Variants in NUP98 observed in about 807,000 individuals in gnomAD.
The protein encoded by NUP98 is nuclear pore complex protein Nup98-Nup96.
Under a neutral mutation model 191.9 loss-of-function variants are expected in NUP98, and 26 were observed. That is an observed-to-expected ratio of 0.14 (90% CI 0.10 to 0.19). The LOEUF (loss-of-function observed/expected upper bound fraction) is 0.19. NUP98 is among the 10% of genes least tolerant of loss of function. The pLI, the probability that NUP98 is intolerant of heterozygous loss-of-function variation, is 1.00. For synonymous variants in NUP98, 808 were observed against 778.4 expected (o/e 1.04, Z -0.63); for missense variants, 1,941 against 2,178.8 (o/e 0.89, Z 2.17).
Position 3,700,634 on chromosome 11 carries a change from A to C in NUP98, c.3718T>G (p.Ser1240Ala). 1 of 1,613,808 alleles carries C rather than the reference A, an allele frequency of 6.2e-7. No homozygotes were observed. The highest frequency in any genetic ancestry group is 8.5e-7 in the Non-Finnish European group (1 of 1,179,782). Residue 1240 changes from serine (S) to alanine (A), a missense_variant, in exon 24 of 33, where the codon TCA becomes GCA. Physicochemically the swap from Ser to Ala is moderately conservative, Grantham distance 99 (BLOSUM62 1). This residue lies in a region of NUP98 where 1,030 missense variants were observed against 1,115.8 expected (regional missense o/e 0.92). Transcript: ENST00000324932. ...CTTTGTGCTTCTGGTAAGTCTCCTG[A>C]TGCTTCTTTAACCCAATCTGCATAG... ...HDYADWVKEA[S>A]GDLPEAQIVK...
At chr11:3,749,644 T>C (rs904485760) in intron 11 of NUP98, among the ~76,000 whole-genome samples, 19 of 151,384 alleles carry the variant, frequency 1.3e-4, no homozygotes, top group Admixed American at 1.2e-3. Context: ...ATAAATAAAA[T>C]ATAAATTAAC....
chr11:3,761,705 C>G (rs2081176006), intron 9 of NUP98, among the ~76,000 whole-genome samples: 1 of 152,092 alleles, frequency 6.6e-6, no homozygotes, highest in Admixed American at 6.5e-5. Context: ...TTGCAGTGAG[C>G]CGAGATCGCA....
intron 21 of NUP98, among the ~76,000 whole-genome samples, chr11:3,705,592 G>C (rs545889992): frequency 6.6e-6 from 1 of 152,186 alleles, no homozygotes; most frequent in Non-Finnish European, 1.5e-5. Flanking sequence ...GCACACAGCA[G>C]TTGCTATGTT....
At chr11:3,742,559 C>T (rs546647475) in intron 12 of NUP98, among the ~76,000 whole-genome samples, 5 of 151,858 alleles carry the variant, frequency 3.3e-5, no homozygotes, top group South Asian at 4.2e-4. Flanking sequence ...AAATTATATG[C>T]GTGGTGGCAG....
intron 7 of NUP98, among the ~76,000 whole-genome samples, chr11:3,769,575 C>CAAAAAA (rs34035817): frequency 1.6e-5 from 1 of 61,692 alleles, no homozygotes; most frequent in African/African-American, 5.7e-5. Flanking sequence ...GATTCTGTCT[C>CAAAAAA]AAAAAAAAAA....
At position 3,731,402 on chromosome 11, in the gene NUP98, T is replaced by C; in HGVS notation, c.1719A>G (p.Ala573=). 3 of 1,571,348 alleles carry C rather than the reference T, an allele frequency of 1.9e-6. No homozygotes were observed. The highest frequency in any genetic ancestry group is 2.6e-6 in the Non-Finnish European group (3 of 1,157,314). The change falls in exon 14 of 33, where the codon GCA becomes GCG. Residue 573 remains alanine, a synonymous_variant. Transcript: ENST00000324932. The part of the protein sequence containing the change: ...DDDEPSLANG[A]FMPKKSIKKL... Reference sequence around the variant, plus strand: ...AAAAATAAACTCACTTGGGCATGAATGCTCCATTGGCTAGGGATGGTTCAT... The same window carrying C: ...AAAAATAAACTCACTTGGGCATGAACGCTCCATTGGCTAGGGATGGTTCAT...
chr11:3,689,704 A>G (rs1252491485), intron 28 of NUP98, among the ~76,000 whole-genome samples: 1 of 151,958 alleles, frequency 6.6e-6, no homozygotes, highest in Non-Finnish European at 1.5e-5. Flanking sequence ...ACAGTGATGC[A>G]ATCATGTCTC....
Position 3,779,184 on chromosome 11 carries a change from G to C in NUP98, c.150C>G (p.Gly50=), listed in dbSNP as rs1484151710. 1 of 1,613,940 alleles carries C rather than the reference G, an allele frequency of 6.2e-7. No homozygotes were observed. The highest frequency in any genetic ancestry group is 1.3e-5 in the African/African-American group (1 of 74,894). The change falls in exon 3 of 33, where the codon GGC becomes GGG. Residue 50 remains glycine, a synonymous_variant. Transcript: ENST00000324932. ...GTTTAGTCTGTGAATTTCCAAAGAGGCCTCCAGTATTGTTGCTAGAACCAA... is the reference window on the plus strand; with the variant it reads ...GTTTAGTCTGTGAATTTCCAAAGAGCCCTCCAGTATTGTTGCTAGAACCAA... ...SAFGSSNNTG[G]LFGNSQTKPG...
chr11:3,719,133 T>A (rs919819165), intron 18 of NUP98, among the ~76,000 whole-genome samples: 14 of 148,988 alleles, frequency 9.4e-5, no homozygotes, highest in South Asian at 6.4e-4. Flanking sequence ...AAAAAAAAAA[T>A]AATAATAGTA....
At chr11:3,740,815 T>A (rs1589850395) in intron 12 of NUP98, among the ~76,000 whole-genome samples, 1 of 149,800 alleles carries the variant, frequency 6.7e-6, no homozygotes, top group Admixed American at 6.6e-5. Context: ...TATAAATATA[T>A]ATATATATAT....
At chr11:3,768,282 A>G (rs912070217) in intron 8 of NUP98, among the ~76,000 whole-genome samples, 3 of 152,014 alleles carry the variant, frequency 2.0e-5, no homozygotes, top group Admixed American at 6.6e-5. Context: ...TTAGCTGGAC[A>G]TGGTGGTGGA....
intron 18 of NUP98, among the ~76,000 whole-genome samples, chr11:3,717,500 G>C (rs1368430953): frequency 2.0e-5 from 3 of 152,114 alleles, no homozygotes; most frequent in South Asian, 2.1e-4. Flanking sequence ...TTAGTGTATA[G>C]CAGTGCAACT....
At chr11:3,706,358 T>G in intron 21 of NUP98, 87 bp downstream of exon 21, 1 of 1,258,822 alleles carries the variant, frequency 7.9e-7, no homozygotes, top group Non-Finnish European at 1.1e-6. Flanking sequence ...ATGATCTTAA[T>G]AACCAAGGAA....
chr11:3,741,348 G>A (rs1354428508), intron 12 of NUP98, among the ~76,000 whole-genome samples: 1 of 151,378 alleles, frequency 6.6e-6, no homozygotes, highest in Non-Finnish European at 1.5e-5. Context: ...TCTGGCAGGA[G>A]CGGTGGCTCA....
chr11:3,758,393 G>T (rs1432701767), intron 10 of NUP98, among the ~76,000 whole-genome samples: 3 of 151,960 alleles, frequency 2.0e-5, no homozygotes, highest in African/African-American at 7.2e-5. Flanking sequence ...TGAAAAAATA[G>T]TCTACAAACG....
In NUP98 at chr11:3,744,567, G is replaced by A. The variant is rs1459400369; in HGVS notation, c.1350C>T (p.Ala450=). 1 of 1,613,588 alleles carries A rather than the reference G, an allele frequency of 6.2e-7. No individual in the cohort carries two copies. The highest frequency in any genetic ancestry group is 8.5e-7 in the Non-Finnish European group (1 of 1,179,770). Residue 450 remains alanine (A), a synonymous_variant, in exon 12 of 33, where the codon GCC becomes GCT. Coordinates refer to ENST00000324932, the MANE Select transcript of NUP98 (RefSeq NM_016320.5). ...GGPLGTGAFG[A]PGFNTTTATL... ...TGGCTGTCGTAGTATTAAATCCAGG[G>A]GCCCCAAAGGCTCCTGTACCAAGAG... is the stretch of plus-strand genomic sequence containing the variant.
At position 3,709,148 on chromosome 11, in the gene NUP98, CAG is replaced by C. The variant is rs528787746; in HGVS notation, c.2743-2523_2743-2522del. Among the ~76,000 whole-genome samples, 146 of 152,244 alleles carry C rather than the reference CAG, an allele frequency of 9.6e-4. 1 individual carries two copies. The Middle Eastern group carries it at 0.01, about 11-fold the overall frequency. On this transcript the variant is annotated intron_variant, in intron 20 of 32. Transcript: ENST00000324932. Reference sequence around the variant, plus strand: ...AGTGAATGACAAGTCCAAGGTCAAACAGATATTTAAATAATTCATACTGTCCT... The same window carrying C: ...AGTGAATGACAAGTCCAAGGTCAAACATATTTAAATAATTCATACTGTCCT...
chr11:3,684,504 CAT>C (rs1282434017), intron 29 of NUP98, among the ~76,000 whole-genome samples: 1 of 152,074 alleles, frequency 6.6e-6, no homozygotes, highest in Non-Finnish European at 1.5e-5. Context: ...TCTGCTTCTC[CAT>C]AGTCAACTCC....
intron 9 of NUP98, 26 bp from the exon 10 acceptor site, chr11:3,760,652 T>G (rs1022121089): frequency 6.3e-7 from 1 of 1,592,984 alleles, no homozygotes; most frequent in Non-Finnish European, 8.6e-7. Context: ...TACAGGAAAA[T>G]TTAAAATAAT....
Sources: allele counts gnomAD v4.1 joint callset (sites outside exome capture counted in the v4.1 genomes callset), GRCh38; gene constraint gnomAD v4.1.1; regional missense constraint gnomAD v4.1.1; transcripts MANE v1.5; gene names NCBI Gene and HGNC (gene_info 2026-07-23, HGNC 2026-07-21).